The following GH2 variants were observed in gnomAD, a reference collection of about 807,000 sequenced individuals.
GH2 encodes growth hormone variant.
GH2 carries 17 observed loss-of-function variants against 24.1 expected under a neutral mutation model. The observed-to-expected ratio is 0.71, with a 90% CI of 0.48 to 1.06. The LOEUF (loss-of-function observed/expected upper bound fraction) is 1.06. Ranked by LOEUF, GH2 falls within the 50% of genes least tolerant of loss-of-function variation. The probability of loss-of-function intolerance (pLI) is 0.00; values close to 1 mark genes in which losing one functional copy is unlikely to be tolerated. For synonymous variants in GH2, 126 were observed against 118.7 expected, an observed-to-expected ratio of 1.06 and a Z score of -0.40; for missense variants, 305 against 273.1, an observed-to-expected ratio of 1.12 and a Z score of -0.82.
chr17:63,880,448 G>A lies in GH2; in HGVS notation c.527C>T (p.Ser176Leu), dbSNP rs1200551405. ...NQSYSKFDTK[S>L]HNDDALLKNY... The stretch of plus-strand genomic sequence containing the variant: ...CTTGAGCAGTGCGTCATCGTTGTGC[G>A]ATTTTGTGTCAAACTTGCTGTAGGA... The change falls in exon 5 of 5, where the codon TCG becomes TTG. Residue 176 changes from serine to leucine, a missense_variant. By Grantham distance (145) the Ser-to-Leu change is moderately radical (BLOSUM62 -2). Transcript: ENST00000423893. The A allele has an allele frequency of 3.7e-6, 6 of 1,613,680 alleles. No individual in the cohort carries two copies. Among genetic ancestry groups the A allele is most frequent in the Middle Eastern group, 1.6e-4 (1 of 6,078 alleles).
chr17:63,881,604 T>TA (rs59599680), intron 1 of GH2, 85 bp from the exon 2 acceptor site: 1 of 1,444,200 alleles, frequency 6.9e-7, no homozygotes, highest in South Asian at 1.2e-5. Context: ...GTTTTTTTTT[T>TA]TCTCTCTCTC....
chr17:63,880,560 C>T lies in GH2; in HGVS notation c.457-42G>A, dbSNP rs752309466. On this transcript the variant is annotated intron_variant, in intron 4 of 4. Coordinates refer to ENST00000423893, the MANE Select transcript of GH2 (RefSeq NM_002059.5). Reference sequence around the variant, plus strand: ...GAGAAGGAGAGGCCAAGCGCTTGGGCACTGTTCCCTCCCTCTCTCATTCAT... The same window carrying T: ...GAGAAGGAGAGGCCAAGCGCTTGGGTACTGTTCCCTCCCTCTCTCATTCAT... The T allele has an allele frequency of 1.5e-5, 24 of 1,613,746 alleles. No homozygotes were observed. Among genetic ancestry groups the T allele is most frequent in the East Asian group, 6.7e-5 (3 of 44,894 alleles).
chr17:63,881,733 A>G (rs1905550368), intron 1 of GH2, 59 bp downstream of exon 1: 1 of 1,611,912 alleles, frequency 6.2e-7, no homozygotes, highest in Admixed American at 1.7e-5. Context: ...TCCCATCTAC[A>G]GGACGCCGCC....
At position 63,880,891 on chromosome 17, in the gene GH2, G is replaced by C. The variant is rs760132924; in HGVS notation, c.337C>G (p.Leu113Val). The C allele has an allele frequency of 1.1e-5, 18 of 1,614,126 alleles. No individual in the cohort carries two copies. The highest frequency in any genetic ancestry group is 1.5e-5 in the Non-Finnish European group (18 of 1,179,968). ...CTCCTGAGGAGCTGCACGGGCTCCA[G>C]CCATGACTGGATGAGCAGCAGGGAG... ...RISLLLIQSW[L>V]EPVQLLRSVF... is the part of the protein sequence containing the mutation. The change falls in exon 4 of 5, where the codon CTG becomes GTG. Residue 113 changes from leucine (L) to valine (V), a missense_variant. Leu to Val is a conservative substitution (Grantham distance 32, BLOSUM62 1). Transcript: ENST00000423893.
rs61764014 is a variant in GH2 at position 63,881,747 on chromosome 17, C to A, written c.10+45G>T. ...GTCCCATCTACAGGACGCCGCCTCT[C>A]CCCTCAGGACACATTGTGCCCAAAG... On this transcript the variant is annotated intron_variant, in intron 1 of 4. Coordinates refer to ENST00000423893, the MANE Select transcript of GH2 (RefSeq NM_002059.5). The A allele has an allele frequency of 1.7e-3, 2,705 of 1,612,294 alleles. 39 individuals carry two copies. The African/African-American group carries it at 0.032, about 19-fold the overall frequency.
chr17:63,881,277 A>G (rs1343478310), intron 2 of GH2, 82 bp downstream of exon 2: 1 of 1,609,888 alleles, frequency 6.2e-7, no homozygotes, highest in Non-Finnish European at 8.5e-7. Flanking sequence ...TGAGCTCCTT[A>G]GTCTCCTCCC....
intron 2 of GH2, 78 bp from the exon 3 acceptor site, chr17:63,881,226 G>T (rs531578697): frequency 1.9e-6 from 3 of 1,612,230 alleles, no homozygotes; most frequent in African/African-American, 2.7e-5. Flanking sequence ...CTCACTCAGC[G>T]TATGCTCATC....
Position 63,880,441 on chromosome 17 carries a change from G to T in GH2, c.534C>A (p.Asn178Lys). 3 of 1,613,804 alleles carry T rather than the reference G, an allele frequency of 1.9e-6. No individual in the cohort carries two copies. Among genetic ancestry groups the T allele is most frequent in the East Asian group, 2.2e-5 (1 of 44,880 alleles). Residue 178 changes from asparagine (N) to lysine (K), a missense_variant, in exon 5 of 5, where the codon AAC (asparagine) becomes AAA (lysine). By Grantham distance (94) the Asn-to-Lys change is moderately conservative. Transcript: ENST00000423893. ...SYSKFDTKSH[N>K]DDALLKNYGL... Reference sequence around the variant, plus strand: ...CGTAGTTCTTGAGCAGTGCGTCATCGTTGTGCGATTTTGTGTCAAACTTGC... The same window carrying T: ...CGTAGTTCTTGAGCAGTGCGTCATCTTTGTGCGATTTTGTGTCAAACTTGC...
Position 63,881,785 on chromosome 17 carries a change from C to A in GH2, c.10+7G>T, listed in dbSNP as rs773418823. Reference sequence around the variant, plus strand: ...ATTGTGCCCAAAGGGATTTTAGGGGCGCTTACCTGCAGCCATTGCCGCTAG... The same window carrying A: ...ATTGTGCCCAAAGGGATTTTAGGGGAGCTTACCTGCAGCCATTGCCGCTAG... On this transcript the variant is annotated splice_region_variant and intron_variant, in intron 1 of 4. Transcript: ENST00000423893. 3 of 1,612,962 alleles carry A rather than the reference C, an allele frequency of 1.9e-6. No individual in the cohort carries two copies. Among genetic ancestry groups the A allele is most frequent in the South Asian group, 1.1e-5 (1 of 91,032 alleles).
intron 2 of GH2, 94 bp downstream of exon 2, chr17:63,881,265 C>A (rs568373793): frequency 1.2e-6 from 2 of 1,610,726 alleles, no homozygotes; most frequent in African/African-American, 2.7e-5. Flanking sequence ...AGAAAACAAC[C>A]CTGAGCTCCT....
At position 63,881,867 on chromosome 17, in the gene GH2, G is replaced by A; in HGVS notation, c.-66C>T. On this transcript the variant is annotated 5_prime_UTR_variant, in exon 1 of 5. Coordinates refer to ENST00000423893, the MANE Select transcript of GH2 (RefSeq NM_002059.5). ...GGGAGTTGGGCCTTGGGATCCTTGA[G>A]CTGGTCTCTTGTGGGCCCTTTTTAT... 1 of 1,613,714 alleles carries A rather than the reference G, an allele frequency of 6.2e-7. No homozygotes were observed. The highest frequency in any genetic ancestry group is 8.5e-7 in the Non-Finnish European group (1 of 1,179,734).
Position 63,881,484 on chromosome 17 carries a change from GCAGGCCAAAAGC to G in GH2, c.34_45del (p.Ala12_Leu15del), listed in dbSNP as rs759955399. On this transcript the variant is annotated inframe_deletion, in exon 2 of 5. Coordinates refer to ENST00000423893, the MANE Select transcript of GH2 (RefSeq NM_002059.5). ...CCCTCTTGAAGCCAGGACAGGCAGA[GCAGGCCAAAAGC>G]CAGGAGCAGGGACGTCCGGGAGCCT... 6 of 1,613,894 alleles carry G rather than the reference GCAGGCCAAAAGC, an allele frequency of 3.7e-6. No homozygotes were observed.
rs1277998272 is a variant in GH2, at chr17:63,880,688, A to C, written c.456+84T>G. ...TCTCTTGGGTCAGCGCCTGACTGCT[A>C]AAAAGAGGGCAGCAGTGTTTCTCTC... On this transcript the variant is annotated intron_variant, in intron 4 of 4. Transcript: ENST00000423893. 2.5e-6 allele frequency: 4 copies of C among 1,613,910 alleles called. No individual in the cohort carries two copies. The South Asian group carries it at 4.4e-5, about 18-fold the overall frequency.
Position 63,881,346 on chromosome 17 carries a change from C to T in GH2, c.171+13G>A. The T allele has an allele frequency of 6.2e-7, 1 of 1,613,940 alleles. No homozygotes were observed. The highest frequency in any genetic ancestry group is 8.5e-7 in the Non-Finnish European group (1 of 1,179,822). On this transcript the variant is annotated intron_variant, in intron 2 of 4. Coordinates refer to ENST00000423893, the MANE Select transcript of GH2 (RefSeq NM_002059.5). ...TGCCACCTCTGAAGCGCACCCATTACCCAAGAGCTTACAAACTCCTGATAG... is the reference window on the plus strand; with the variant it reads ...TGCCACCTCTGAAGCGCACCCATTATCCAAGAGCTTACAAACTCCTGATAG...
At chr17:63,881,638 G>A in intron 1 of GH2, 119 bp from the exon 2 acceptor site, 1 of 1,605,230 alleles carries the variant, frequency 6.2e-7, no homozygotes, top group Non-Finnish European at 8.5e-7. Flanking sequence ...CCAGGGACCA[G>A]GAACATTCAG....
At chr17:63,881,221 T>C in intron 2 of GH2, 73 bp from the exon 3 acceptor site, 1 of 1,612,876 alleles carries the variant, frequency 6.2e-7, no homozygotes, top group Non-Finnish European at 8.5e-7. Flanking sequence ...GGAACCTCAC[T>C]CAGCGTATGC....
At position 63,880,945 on chromosome 17, in the gene GH2, G is replaced by T; in HGVS notation, c.292-9C>A. 6.2e-7 allele frequency: 1 copy of T among 1,614,028 alleles called. No individual in the cohort carries two copies. ...CGGAGCAGCTCTAGGTTCTGCAGGG[G>T]AAGGACCGGCAGTGGCTGTGCTGCC... On this transcript the variant is annotated splice_polypyrimidine_tract_variant and intron_variant, in intron 3 of 4. Transcript: ENST00000423893.
chr17:63,881,268 G>A, intron 2 of GH2, 91 bp downstream of exon 2: 8 of 1,610,278 alleles, frequency 5.0e-6, no homozygotes, highest in Non-Finnish European at 6.8e-6. Context: ...AAACAACCCT[G>A]AGCTCCTTAG....
intron 1 of GH2, 133 bp from the exon 2 acceptor site, chr17:63,881,652 T>C (rs1852098426): frequency 1.9e-6 from 3 of 1,606,284 alleles, no homozygotes; most frequent in South Asian, 1.1e-5. Context: ...CATTCAGAGA[T>C]TGGCCAAATA....
Sources: gnomAD v4.1 joint callset for allele counts on GRCh38, gnomAD v4.1.1 for gene constraint, MANE v1.5 for transcripts, NCBI Gene and HGNC (gene_info 2026-07-23, HGNC 2026-07-21) for gene names.